The following VDR variants were observed in gnomAD, a reference collection of about 807,000 sequenced individuals.
VDR encodes vitamin D3 receptor.
Under a neutral mutation model 39.7 loss-of-function variants are expected in VDR, and 19 were observed. The observed-to-expected ratio is 0.48, with a 90% CI of 0.33 to 0.70. The LOEUF is 0.70. VDR is among the 30% of genes least tolerant of loss of function. VDR has a pLI of 0.02. For synonymous variants in VDR, 242 were observed against 215.8 expected, an observed-to-expected ratio of 1.12 and a Z score of -1.07; for missense variants, 442 against 570.5, an observed-to-expected ratio of 0.77 and a Z score of 2.29.
intron 3 of VDR, among the ~76,000 whole-genome samples, chr12:47,870,872 T>C (rs906866025): frequency 1.3e-5 from 2 of 152,202 alleles, no homozygotes; most frequent in Non-Finnish European, 2.9e-5. Context: ...TCACAATGTA[T>C]ATGTATAGCA....
intron 1 of VDR, chr12:47,896,722 T>G (rs1366766253): frequency 1.3e-5 from 2 of 152,136 alleles, no homozygotes; most frequent in Non-Finnish European, 2.9e-5. Context: ...AGACCTCAAA[T>G]GGAGTTCATT....
At chr12:47,859,866 TTTCCTTCCTTCCTTCCTTCC>T (rs760043388) in intron 4 of VDR, among the ~76,000 whole-genome samples, 1 of 50,550 alleles carries the variant, frequency 2.0e-5, no homozygotes. Context: ...TCCTTCCTTC[TTTCCTTCCTTCCTTCCTTCC>T]TTCCTTCCTT....
Position 47,879,040 on chromosome 12 carries a change from C to T in VDR, c.74G>A (p.Gly25Glu). The change falls in exon 3 of 10, where the codon GGG (glycine) becomes GAG (glutamate). Residue 25 changes from glycine to glutamate, a missense_variant. Physicochemically the swap from Gly to Glu is moderately conservative, Grantham distance 98. Around this residue, in one of 5 missense-constraint regions of VDR, gnomAD observed 141 missense variants for 141.3 expected, o/e 1.00. Coordinates refer to ENST00000549336, the MANE Select transcript of VDR (RefSeq NM_000376.3). ...DFDRNVPRIC[G>E]VCGDRATGFH... ...GCCAGTGGCTCGGTCTCCACACACC[C>T]CACAGATCCGGGGCACGTTCCGGTC... 1 of 1,614,218 alleles carries T rather than the reference C, an allele frequency of 6.2e-7. No homozygotes were observed. Among genetic ancestry groups the T allele is most frequent in the Non-Finnish European group, 8.5e-7 (1 of 1,180,024 alleles).
intron 7 of VDR, among the ~76,000 whole-genome samples, chr12:47,853,143 C>A (rs776030336): frequency 2.6e-5 from 4 of 152,156 alleles, no homozygotes; most frequent in Non-Finnish European, 1.5e-5. Context: ...TGTGTCAATA[C>A]TCTATTGTTT....
chr12:47,846,447 T>A lies in VDR; in HGVS notation c.912A>T (p.Gly304=). Residue 304 remains glycine, a synonymous_variant, in exon 9 of 10, where the codon GGA becomes GGT. Coordinates refer to ENST00000549336, the MANE Select transcript of VDR (RefSeq NM_000376.3). The part of the protein sequence containing the change: ...KYRVSDVTKA[G]HSLELIEPLI... ...GGGGCTCAATCAGCTCCAGGCTGTG[T>A]CCGGCTGTGAGAGACAATGGCCAGG... The A allele has an allele frequency of 6.4e-7, 1 of 1,564,108 alleles. No homozygotes were observed. Among genetic ancestry groups the A allele is most frequent in the Middle Eastern group, 1.7e-4 (1 of 6,004 alleles).
intron 1 of VDR, chr12:47,883,027 G>A (rs1450626406): frequency 2.9e-5 from 13 of 450,530 alleles, no homozygotes; most frequent in Admixed American, 8.6e-5. Context: ...AAGCGGTGGC[G>A]GCAACCAGCC....
chr12:47,891,356 C>T (rs1946365526), intron 1 of VDR, among the ~76,000 whole-genome samples: 1 of 152,164 alleles, frequency 6.6e-6, no homozygotes, highest in African/African-American at 2.4e-5. Context: ...TATGTGTTAA[C>T]TATTATTATT....
intron 3 of VDR, among the ~76,000 whole-genome samples, chr12:47,871,153 T>C (rs1391496962): frequency 6.6e-6 from 1 of 152,160 alleles, no homozygotes; most frequent in African/African-American, 2.4e-5. Context: ...GTAAAGCCAC[T>C]TCCAGGTATT....
intron 4 of VDR, among the ~76,000 whole-genome samples, chr12:47,862,829 C>G (rs1236451122): frequency 6.6e-6 from 1 of 152,224 alleles, no homozygotes; most frequent in Non-Finnish European, 1.5e-5. Context: ...CTGGACTAAC[C>G]TGAGGCTGGG....
At chr12:47,859,897 CCTTCCTTCCTTCCTTCCTTCTTTCTT>C (rs1222159456) in intron 4 of VDR, among the ~76,000 whole-genome samples, 1,182 of 37,706 alleles carry the variant, frequency 0.031, 41 homozygotes, top group Middle Eastern at 0.056. Context: ...TTCCTTCCTT[CCTTCCTTCCTTCCTTCCTTCTTTCTT>C]TTTCTTTCTT....
intron 6 of VDR, 120 bp from the exon 7 acceptor site, chr12:47,855,921 T>C: frequency 8.5e-7 from 1 of 1,171,672 alleles, no homozygotes; most frequent in Non-Finnish European, 1.3e-6. Flanking sequence ...AATCCCACAG[T>C]GACTCCACAG....
chr12:47,864,871 T>C (rs1024204345), intron 4 of VDR, among the ~76,000 whole-genome samples, 176 bp downstream of exon 4: 2 of 152,220 alleles, frequency 1.3e-5, no homozygotes, highest in Non-Finnish European at 1.5e-5. Context: ...CATCTGACCC[T>C]GGACTTCCAG....
chr12:47,877,222 C>CA (rs1282908737), intron 3 of VDR, among the ~76,000 whole-genome samples: 10 of 152,116 alleles, frequency 6.6e-5, no homozygotes, highest in African/African-American at 1.7e-4. Context: ...CCCATCACTA[C>CA]AAAAAAATCA....
intron 2 of VDR, among the ~76,000 whole-genome samples, chr12:47,882,300 C>T (rs144865236): frequency 3.3e-5 from 5 of 152,246 alleles, no homozygotes; most frequent in South Asian, 4.1e-4. Context: ...AAGAAGCCAG[C>T]GCCCAGGACC....
chr12:47,849,018 T>C (rs1945334447), intron 7 of VDR, among the ~76,000 whole-genome samples: 1 of 152,186 alleles, frequency 6.6e-6, no homozygotes, highest in Non-Finnish European at 1.5e-5. Flanking sequence ...CTAGTTCCAC[T>C]ATTCTGAGTC....
At chr12:47,880,314 T>C (rs1946120604) in intron 2 of VDR, among the ~76,000 whole-genome samples, 1 of 152,152 alleles carries the variant, frequency 6.6e-6, no homozygotes, top group Non-Finnish European at 1.5e-5. Flanking sequence ...TGGGAGGCTC[T>C]GAGCTACTTT....
chr12:47,848,822 C>T (rs772619712), intron 7 of VDR, among the ~76,000 whole-genome samples: 28 of 152,172 alleles, frequency 1.8e-4, no homozygotes, highest in Middle Eastern at 6.8e-3. Flanking sequence ...CTGCCTCAGC[C>T]TCCCAAGGAG....
At chr12:47,888,743 A>G (rs1946307905) in intron 1 of VDR, among the ~76,000 whole-genome samples, 1 of 152,132 alleles carries the variant, frequency 6.6e-6, no homozygotes, top group Non-Finnish European at 1.5e-5. Context: ...GGGTATTTAG[A>G]GGCTGGGATG....
At chr12:47,888,145 C>T (rs1409478945) in intron 1 of VDR, among the ~76,000 whole-genome samples, 1 of 152,088 alleles carries the variant, frequency 6.6e-6, no homozygotes, top group Non-Finnish European at 1.5e-5. Context: ...ACGGAAGAAG[C>T]AAAAGTGGAA....
Sources: allele counts gnomAD v4.1 joint callset (sites outside exome capture counted in the v4.1 genomes callset), GRCh38; gene constraint gnomAD v4.1.1; regional missense constraint gnomAD v4.1.1; transcripts MANE v1.5; gene names NCBI Gene and HGNC (gene_info 2026-07-23, HGNC 2026-07-21).